The following PDCD6IP variants were observed in gnomAD, a reference collection of about 807,000 sequenced individuals.
PDCD6IP encodes the protein programmed cell death 6-interacting protein.
PDCD6IP carries 43 observed loss-of-function variants against 103.7 expected under a neutral mutation model. The ratio of observed to expected loss-of-function variants is 0.41; its 90% CI spans 0.32 to 0.53. The LOEUF (loss-of-function observed/expected upper bound fraction) is 0.53, where lower values mean the gene tolerates loss of function less well. Among genes scored for constraint, PDCD6IP ranks in the 20% least tolerant of loss-of-function variants. PDCD6IP has a pLI of 0.16. For synonymous variants in PDCD6IP, 354 were observed against 378.7 expected (o/e 0.93, Z 0.76); for missense variants, 871 against 1,036.7 (o/e 0.84, Z 2.20).
intron 12 of PDCD6IP, among the ~76,000 whole-genome samples, chr3:33,851,768 T>C (rs1220339748): frequency 6.6e-6 from 1 of 152,156 alleles, no homozygotes; most frequent in Non-Finnish European, 1.5e-5. Context: ...CCTAAAACTC[T>C]TAATGGTATG....
At chr3:33,800,883 T>A (rs1002763221) in intron 1 of PDCD6IP, among the ~76,000 whole-genome samples, 1 of 152,200 alleles carries the variant, frequency 6.6e-6, no homozygotes, top group African/African-American at 2.4e-5. Context: ...GGTTGGTGGA[T>A]AATGGTTTGG....
intron 12 of PDCD6IP, among the ~76,000 whole-genome samples, chr3:33,849,912 G>A (rs1031246154): frequency 2.0e-5 from 3 of 151,892 alleles, no homozygotes; most frequent in Non-Finnish European, 2.9e-5. Context: ...TCATAAATTC[G>A]TTGTTTGAAA....
intron 3 of PDCD6IP, among the ~76,000 whole-genome samples, chr3:33,817,822 C>G (rs987105418): frequency 2.0e-5 from 3 of 150,900 alleles, no homozygotes; most frequent in Admixed American, 6.6e-5. Flanking sequence ...CAGTTAAATA[C>G]TTAGAAAGGC....
At chr3:33,863,801 G>A in intron 15 of PDCD6IP, 1 of 541,162 alleles carries the variant, frequency 1.8e-6, no homozygotes. Flanking sequence ...GGATCATATT[G>A]TAGATCTAGT....
At chr3:33,826,300 C>T (rs1168852753) in intron 5 of PDCD6IP, among the ~76,000 whole-genome samples, 180 bp from the exon 6 acceptor site, 1 of 152,094 alleles carries the variant, frequency 6.6e-6, no homozygotes, top group Non-Finnish European at 1.5e-5. Flanking sequence ...ACTCCCCTTT[C>T]CCCCACTGCT....
intron 15 of PDCD6IP, among the ~76,000 whole-genome samples, chr3:33,855,956 A>C (rs898189475): frequency 6.6e-6 from 1 of 152,198 alleles, no homozygotes; most frequent in East Asian, 1.9e-4. Flanking sequence ...CCTGTTAGGC[A>C]CTGGGCTGCA....
At chr3:33,846,276 G>C (rs1200263114) in intron 12 of PDCD6IP, among the ~76,000 whole-genome samples, 1 of 152,170 alleles carries the variant, frequency 6.6e-6, no homozygotes, top group East Asian at 1.9e-4. Context: ...AGTAAGTTTT[G>C]AAAAGTTTGA....
rs1697396792 is a variant in PDCD6IP, at chr3:33,838,336, A to G, written c.1181+9A>G. The G allele has an allele frequency of 1.2e-6, 2 of 1,603,646 alleles. No individual in the cohort carries two copies. Among genetic ancestry groups the G allele is most frequent in the Non-Finnish European group, 1.7e-6 (2 of 1,173,778 alleles). On this transcript the variant is annotated intron_variant, in intron 9 of 17. Coordinates refer to ENST00000307296, the MANE Select transcript of PDCD6IP (RefSeq NM_013374.6). ...ACCACTTTGGCAAATGGGTAGGTAG[A>G]GCTTAATTTTAGAGCCTAAAGTTTT...
intron 7 of PDCD6IP, among the ~76,000 whole-genome samples, chr3:33,835,668 A>T (rs533956910): frequency 6.6e-6 from 1 of 152,222 alleles, no homozygotes; most frequent in East Asian, 1.9e-4. Context: ...CAGTGAGCCG[A>T]GATCGCGCCA....
rs775027615 is a variant in PDCD6IP, at chr3:33,798,906, A to C, written c.178A>C (p.Lys60Gln). The change falls in exon 1 of 18, where the codon AAG becomes CAG. Residue 60 changes from lysine (K) to glutamine (Q), a missense_variant. Lys to Gln is a moderately conservative substitution (Grantham distance 53). Transcript: ENST00000307296. ...RRAAVGRPLD[K>Q]HEGALETLLR... ...CGCCGCAGTCGGTCGTCCGCTGGACAAGCACGAGGGCGCGCTCGAGACGCT... is the reference window on the plus strand; with the variant it reads ...CGCCGCAGTCGGTCGTCCGCTGGACCAGCACGAGGGCGCGCTCGAGACGCT... 1.9e-5 allele frequency: 30 copies of C among 1,544,128 alleles called. No homozygotes were observed. The South Asian group carries it at 3.6e-4, about 18-fold the overall frequency.
intron 1 of PDCD6IP, among the ~76,000 whole-genome samples, chr3:33,801,894 C>G (rs1420045926): frequency 6.6e-6 from 1 of 152,132 alleles, no homozygotes; most frequent in Non-Finnish European, 1.5e-5. Flanking sequence ...TATCAGCTTT[C>G]TAAATTTTAT....
chr3:33,836,171 A>T lies in PDCD6IP; in HGVS notation c.962A>T (p.Asp321Val), dbSNP rs1252896500. The change falls in exon 8 of 18, where the codon GAT becomes GTT. Residue 321 changes from aspartate to valine, a missense_variant. This residue lies in a region of PDCD6IP where 242 missense variants were observed against 250.7 expected (regional missense o/e 0.97). Transcript: ENST00000307296. ...AKKDNDFIYH[D>V]RVPDLKDLDP... ...AAGGATAATGACTTCATTTATCATG[A>T]TCGAGTTCCAGACCTTAAAGATCTA... 6.2e-7 allele frequency: 1 copy of T among 1,613,166 alleles called. No homozygotes were observed. Among genetic ancestry groups the T allele is most frequent in the African/African-American group, 1.3e-5 (1 of 74,894 alleles).
At chr3:33,807,598 A>G (rs9816103) in intron 1 of PDCD6IP, among the ~76,000 whole-genome samples, 43,953 of 151,804 alleles carry the variant, frequency 0.29, 6,544 homozygotes, top group East Asian at 0.41. Context: ...GAGAATTTTG[A>G]TCTCATTGGG....
At chr3:33,814,851 CATATACATATATGT>C (rs1488557740) in intron 3 of PDCD6IP, among the ~76,000 whole-genome samples, 1 of 143,116 alleles carries the variant, frequency 7.0e-6, no homozygotes. Context: ...ATGTATTATT[CATATACATATATGT>C]ATATACATAT....
chr3:33,838,696 T>C (rs370136190), intron 9 of PDCD6IP, among the ~76,000 whole-genome samples: 2 of 151,986 alleles, frequency 1.3e-5, no homozygotes, highest in South Asian at 2.1e-4. Flanking sequence ...TTTTTAGGTA[T>C]ATTTTACACA....
At chr3:33,808,868 A>G (rs567683038) in intron 1 of PDCD6IP, among the ~76,000 whole-genome samples, 83 of 152,116 alleles carry the variant, frequency 5.5e-4, no homozygotes, top group Middle Eastern at 6.8e-3. Context: ...ATCACTTACT[A>G]TTTTCTCCCT....
chr3:33,833,807 C>T (rs1697290284), intron 7 of PDCD6IP, among the ~76,000 whole-genome samples: 1 of 151,950 alleles, frequency 6.6e-6, no homozygotes, highest in South Asian at 2.1e-4. Flanking sequence ...TTTTCAGTTA[C>T]TTAGGTTTGA....
At chr3:33,808,297 A>G (rs1191063765) in intron 1 of PDCD6IP, among the ~76,000 whole-genome samples, 2 of 152,164 alleles carry the variant, frequency 1.3e-5, no homozygotes, top group African/African-American at 2.4e-5. Flanking sequence ...TTTTTGAGAC[A>G]AGATTTCACG....
At chr3:33,841,689 C>T (rs998673251) in intron 9 of PDCD6IP, among the ~76,000 whole-genome samples, 9 of 151,006 alleles carry the variant, frequency 6.0e-5, no homozygotes, top group South Asian at 2.1e-4. Context: ...CCTCCCGCCT[C>T]GGCCTCCCAA....
Sources: gnomAD v4.1 joint callset for allele counts (sites outside exome capture counted in the v4.1 genomes callset) on GRCh38, gnomAD v4.1.1 for gene constraint, gnomAD v4.1.1 regional missense constraint, MANE v1.5 for transcripts, NCBI Gene and HGNC (gene_info 2026-07-23, HGNC 2026-07-21) for gene names.